The following NFS1 variants were observed in gnomAD, a reference collection of about 807,000 sequenced individuals.
NFS1 encodes the protein cysteine desulfurase.
A neutral mutation model predicts 57.3 loss-of-function variants in NFS1; 26 were observed. The ratio of observed to expected loss-of-function variants is 0.45; its 90% confidence interval spans 0.33 to 0.63. NFS1 has a LOEUF of 0.63. NFS1 is among the 20% of genes least tolerant of loss of function. The pLI, the probability that NFS1 is intolerant of heterozygous loss-of-function variation, is 0.02. For synonymous variants in NFS1, 209 were observed against 216.3 expected (o/e 0.97, Z 0.30); for missense variants, 505 against 605.8 (o/e 0.83, Z 1.75).
intron 4 of NFS1, among the ~76,000 whole-genome samples, chr20:35,695,782 C>T (rs778500457): frequency 1.3e-5 from 2 of 152,022 alleles, no homozygotes; most frequent in Non-Finnish European, 2.9e-5. Flanking sequence ...TGGCTCACAC[C>T]TGTAATCCCA....
At chr20:35,673,791 G>A in intron 10 of NFS1, 107 bp from the exon 11 acceptor site, 2 of 749,106 alleles carry the variant, frequency 2.7e-6, no homozygotes, top group Non-Finnish European at 4.5e-6. Flanking sequence ...TCATACCCTG[G>A]AGAAAACAAG....
At chr20:35,678,121 G>A (rs966132354) in intron 7 of NFS1, among the ~76,000 whole-genome samples, 4 of 151,410 alleles carry the variant, frequency 2.6e-5, no homozygotes, top group South Asian at 2.1e-4. Flanking sequence ...AGGCCGAGGC[G>A]GGCAGATCAT....
intron 12 of NFS1, 24 bp from the exon 13 acceptor site, chr20:35,669,709 A>C (rs773296640): frequency 1.2e-6 from 2 of 1,610,126 alleles, no homozygotes; most frequent in Non-Finnish European, 1.7e-6. Flanking sequence ...GAGGCATTAA[A>C]TGAGTGAGGG....
At position 35,673,667 on chromosome 20, in the gene NFS1, G is replaced by C; in HGVS notation, c.1154C>G (p.Ser385Cys). The C allele has an allele frequency of 6.2e-7, 1 of 1,613,862 alleles. No individual in the cohort carries two copies. Among genetic ancestry groups the C allele is most frequent in the Non-Finnish European group, 8.5e-7 (1 of 1,179,880 alleles). ...TCTAAGCACATAAGAGGGCTCCAGGGATGCAGAGGTGCAGGCACTGAGGAG... is the reference window on the plus strand; with the variant it reads ...TCTAAGCACATAAGAGGGCTCCAGGCATGCAGAGGTGCAGGCACTGAGGAG... ...LSSGSACTSA[S>C]LEPSYVLRAI... The change falls in exon 11 of 13, where the codon TCC becomes TGC. Residue 385 changes from serine (S) to cysteine (C), a missense_variant. Coordinates refer to ENST00000374092, the MANE Select transcript of NFS1 (RefSeq NM_021100.5).
chr20:35,681,320 G>A (rs1220724928), intron 6 of NFS1, among the ~76,000 whole-genome samples: 1 of 152,074 alleles, frequency 6.6e-6, no homozygotes, highest in Non-Finnish European at 1.5e-5. Flanking sequence ...GAATAGAGAT[G>A]TTCTAAAAGG....
Position 35,673,617 on chromosome 20 carries a change from C to A in NFS1, c.1204G>T (p.Ala402Ser). Reference protein sequence around the residue: ...LRAIGTDEDLAHSSIRFGIGR... With the variant: ...LRAIGTDEDLSHSSIRFGIGR... ...CTCACTGACCTGATAGAAGAGTGCG[C>A]TAAATCCTCATCAGTGCCAATTGCT... Residue 402 changes from alanine (A) to serine (S), a missense_variant, in exon 11 of 13, where the codon GCG (alanine) becomes TCG (serine). Physicochemically the swap from Ala to Ser is moderately conservative, Grantham distance 99 (BLOSUM62 1). Transcript: ENST00000374092. 1 of 1,613,938 alleles carries A rather than the reference C, an allele frequency of 6.2e-7. No individual in the cohort carries two copies. The highest frequency in any genetic ancestry group is 8.5e-7 in the Non-Finnish European group (1 of 1,179,902).
chr20:35,681,807 T>C lies in NFS1; in HGVS notation c.655+81A>G, dbSNP rs576796292. 321 of 763,306 alleles carry C rather than the reference T, an allele frequency of 4.2e-4. 4 individuals are homozygous for C. The South Asian group carries it at 4.3e-3, about 10-fold the overall frequency. The allele number at this position is 763,306 out of a possible 1,614,324, so 47.3% of individuals were successfully genotyped here. ...CCCTTGATTTCCTAACTACACTCCATAGAGTATTACAGCTCTCAGTATACT... is the reference window on the plus strand; with the variant it reads ...CCCTTGATTTCCTAACTACACTCCACAGAGTATTACAGCTCTCAGTATACT... On this transcript the variant is annotated intron_variant, in intron 6 of 12. Transcript: ENST00000374092.
intron 2 of NFS1, 34 bp from the exon 3 acceptor site, chr20:35,697,834 C>A: frequency 6.8e-7 from 1 of 1,478,572 alleles, no homozygotes; most frequent in Non-Finnish European, 9.4e-7. Context: ...TTTCCTTGAG[C>A]GCATCGTCAA....
rs536774937 is a variant in NFS1, at chr20:35,668,332, C to A, written c.*1290G>T. 33 of 152,236 alleles carry A rather than the reference C, an allele frequency of 2.2e-4. No homozygotes were observed. Among genetic ancestry groups the A allele is most frequent in the African/African-American group, 7.5e-4 (31 of 41,538 alleles). The allele number at this position is 152,236 out of a possible 1,614,324, so 9.4% of individuals were successfully genotyped here. On this transcript the variant is annotated 3_prime_UTR_variant, in exon 13 of 13. Coordinates refer to ENST00000374092, the MANE Select transcript of NFS1 (RefSeq NM_021100.5). ...TCCACAATAAGAAATACATTTATAACCTGGTATACAAATTCAAATATATCA... is the reference window on the plus strand; with the variant it reads ...TCCACAATAAGAAATACATTTATAAACTGGTATACAAATTCAAATATATCA...
chr20:35,691,967 A>G (rs2035048732), intron 4 of NFS1, among the ~76,000 whole-genome samples: 1 of 151,702 alleles, frequency 6.6e-6, no homozygotes, highest in African/African-American at 2.4e-5. Flanking sequence ...AGGGTCACCT[A>G]AGGTCGGGAG....
rs61052129 is a variant in NFS1, at chr20:35,692,527, TAAAAAAAAAAA to T, written c.409-1973_409-1963del. ...CCAGCCTGAGCAACATCATCTATAC[TAAAAAAAAAAA>T]AAAAAAAAAAAAAAAAAAAATTAGC... On this transcript the variant is annotated intron_variant, in intron 4 of 12. Coordinates refer to ENST00000374092, the MANE Select transcript of NFS1 (RefSeq NM_021100.5). Among the ~76,000 whole-genome samples the T allele has an allele frequency of 1.2e-4, 5 of 42,746 alleles. No homozygotes were observed. In the East Asian group the frequency reaches 2.5e-3, roughly 21 times the overall value. The allele number at this position is 42,746 out of a possible 152,430, so 28.0% of individuals were successfully genotyped here.
At chr20:35,680,071 G>A (rs767403866) in intron 7 of NFS1, among the ~76,000 whole-genome samples, 7 of 152,086 alleles carry the variant, frequency 4.6e-5, no homozygotes, top group Non-Finnish European at 8.8e-5. Flanking sequence ...TTGGGAGGCC[G>A]AGACGGGCGG....
chr20:35,686,035 T>C (rs1293135095), intron 5 of NFS1, among the ~76,000 whole-genome samples: 1 of 148,262 alleles, frequency 6.7e-6, no homozygotes, highest in Non-Finnish European at 1.5e-5. Flanking sequence ...GTTCAAGCAA[T>C]TCTGCTGCCT....
rs1601524470 is a variant in NFS1, at chr20:35,681,774, T to C, written c.655+114A>G. 4 of 603,594 alleles carry C rather than the reference T, an allele frequency of 6.6e-6. No homozygotes were observed. In the East Asian group the frequency reaches 8.5e-5, roughly 13 times the overall value. 37.4% of individuals were successfully genotyped at this position (603,594 alleles called of 1,614,324 possible). A position where few individuals can be genotyped will look rare whatever the true frequency, so the allele number is the denominator to read the frequency against. Reference sequence around the variant, plus strand: ...TTCCAATGTCCTTGAACAAAGTACTTAGGCTTTCCCTTGATTTCCTAACTA... The same window carrying C: ...TTCCAATGTCCTTGAACAAAGTACTCAGGCTTTCCCTTGATTTCCTAACTA... On this transcript the variant is annotated intron_variant, in intron 6 of 12. Transcript: ENST00000374092.
chr20:35,679,976 T>C (rs900004434), intron 7 of NFS1, among the ~76,000 whole-genome samples: 2 of 152,078 alleles, frequency 1.3e-5, no homozygotes, highest in African/African-American at 4.8e-5. Flanking sequence ...CTTGAGAGAC[T>C]AACAGGATAA....
intron 5 of NFS1, among the ~76,000 whole-genome samples, chr20:35,684,933 G>A (rs1437836916): frequency 6.6e-6 from 1 of 150,856 alleles, no homozygotes; most frequent in Non-Finnish European, 1.5e-5. Flanking sequence ...TGTTTCCCAA[G>A]GTGGAGTGCA....
chr20:35,697,937 T>C (rs528069026), intron 2 of NFS1, 137 bp from the exon 3 acceptor site: 8 of 583,996 alleles, frequency 1.4e-5, no homozygotes, highest in Middle Eastern at 4.2e-4. Context: ...TCAAACATTC[T>C]TTTGTTCCCA....
At chr20:35,676,265 A>C (rs2034741587) in intron 7 of NFS1, 1 of 151,750 alleles carries the variant, frequency 6.6e-6, no homozygotes, top group African/African-American at 2.4e-5. Flanking sequence ...AGCCTGGGCA[A>C]CAAGAGCAAA....
Position 35,682,442 on chromosome 20 carries a change from C to A in NFS1, c.562-461G>T, listed in dbSNP as rs368940240. Among the ~76,000 whole-genome samples the A allele has an allele frequency of 4.5e-4, 68 of 152,328 alleles. No individual in the cohort carries two copies. The East Asian group carries it at 5.8e-3, about 13-fold the overall frequency. On this transcript the variant is annotated intron_variant, in intron 5 of 12. Transcript: ENST00000374092. ...CTACTTATCAATCAAAAGGAACAAA[C>A]TACTGGCACACGCAGCAGTGAATGA...
Sources: gnomAD v4.1 joint callset for allele counts (sites outside exome capture counted in the v4.1 genomes callset) on GRCh38, gnomAD v4.1.1 for gene constraint, MANE v1.5 for transcripts, NCBI Gene and HGNC (gene_info 2026-07-23, HGNC 2026-07-21) for gene names.